SULT1E1: variants seen among roughly 807,000 people sequenced by gnomAD.
SULT1E1 encodes sulfotransferase family 1E member 1, also known as sulfotransferase 1E1.
Under a neutral mutation model 33.6 loss-of-function variants are expected in SULT1E1, and 36 were observed. The ratio of observed to expected loss-of-function variants is 1.07; its 90% CI spans 0.82 to 1.41. The LOEUF is 1.41. Among genes scored for constraint, SULT1E1 ranks in the 40% most tolerant of loss-of-function variants. The pLI, the probability that SULT1E1 is intolerant of heterozygous loss-of-function variation, is 0.00. For synonymous variants in SULT1E1, 121 were observed against 111.7 expected (o/e 1.08, Z -0.53); for missense variants, 371 against 345.7 (o/e 1.07, Z -0.58).
At chr4:69,855,564 G>C (rs1021236877) in intron 2 of SULT1E1, 138 bp from the exon 3 acceptor site, 3 of 683,956 alleles carry the variant, frequency 4.4e-6, no homozygotes, top group Non-Finnish European at 4.4e-6. Context: ...CACAGACTCA[G>C]GAAATATTTT....
chr4:69,832,650 A>G, the SULT1E1 span, among the ~76,000 whole-genome samples: 1 of 152,188 alleles, frequency 6.6e-6, no homozygotes, highest in Non-Finnish European at 1.5e-5. Flanking sequence ...TTCAAAGTTC[A>G]AAGGAGTTTC....
downstream of SULT1E1, chr4:69,838,551 C>T (rs1027941367): frequency 2.6e-5 from 4 of 152,206 alleles, no homozygotes; most frequent in African/African-American, 9.7e-5. Context: ...TGTACTTTTA[C>T]TGGACCCTGA....
intron 2 of SULT1E1, among the ~76,000 whole-genome samples, chr4:69,856,206 AGACG>A (rs1236545995): frequency 2.0e-5 from 3 of 152,212 alleles, no homozygotes; most frequent in Admixed American, 6.5e-5. Flanking sequence ...ATAGACTATA[AGACG>A]TAAATCAAAG....
At chr4:69,843,938 G>T (rs757529904) in intron 7 of SULT1E1, among the ~76,000 whole-genome samples, 1 of 152,152 alleles carries the variant, frequency 6.6e-6, no homozygotes, top group African/African-American at 2.4e-5. Flanking sequence ...AGATTGAGGA[G>T]TCTGCTAGTT....
Position 69,857,481 on chromosome 4 carries a change from G to A in SULT1E1, c.145+19C>T. On this transcript the variant is annotated intron_variant, in intron 2 of 7. Transcript: ENST00000226444. ...TGTTTGTTATTTTTAGGTGAAAAAAGAACAACAAAGAGATTTACCAGATTT... is the reference window on the plus strand; with the variant it reads ...TGTTTGTTATTTTTAGGTGAAAAAAAAACAACAAAGAGATTTACCAGATTT... 1 of 1,581,620 alleles carries A rather than the reference G, an allele frequency of 6.3e-7. No individual in the cohort carries two copies. The highest frequency in any genetic ancestry group is 8.5e-7 in the Non-Finnish European group (1 of 1,170,074).
intron 1 of SULT1E1, among the ~76,000 whole-genome samples, chr4:69,859,656 A>C (rs1721322511): frequency 6.6e-6 from 1 of 152,122 alleles, no homozygotes; most frequent in South Asian, 2.1e-4. Flanking sequence ...TCTTACATGA[A>C]AGTAATGCCC....
At chr4:69,844,085 C>T in intron 7 of SULT1E1, 76 bp downstream of exon 7, 13 of 1,371,390 alleles carry the variant, frequency 9.5e-6, no homozygotes, top group Non-Finnish European at 1.0e-6. Context: ...CATTAAAATA[C>T]CTCACTAGAT....
intron 7 of SULT1E1, 52 bp from the exon 8 acceptor site, chr4:69,842,158 T>C (rs376024512): frequency 6.7e-6 from 7 of 1,051,408 alleles, no homozygotes; most frequent in African/African-American, 4.8e-5. Flanking sequence ...AAAAGAATCA[T>C]TAGGTTTGCT....
chr4:69,853,269 G>C (rs972823890), intron 4 of SULT1E1, among the ~76,000 whole-genome samples: 1 of 152,030 alleles, frequency 6.6e-6, no homozygotes, highest in Non-Finnish European at 1.5e-5. Context: ...TCTGTATTTT[G>C]AGGTCATGTA....
chr4:69,833,784 C>G, the SULT1E1 span, among the ~76,000 whole-genome samples: 14 of 152,300 alleles, frequency 9.2e-5, no homozygotes, highest in East Asian at 1.5e-3. Context: ...CTTTTCCTCC[C>G]TTTCATGGCA....
At position 69,854,314 on chromosome 4, in the gene SULT1E1, C is replaced by A. The variant is rs1260261039; in HGVS notation, c.272G>T (p.Gly91Val). ...ATTCATCTCATCTAATTGTTTTACT[C>A]CTGATTTTTAAAAAAGTAAAGGTTA... ...LECRKENLMN[G>V]VKQLDEMNSP... The change falls in exon 4 of 8, where the codon GGA becomes GTA. Residue 91 changes from glycine (G) to valine (V), a missense_variant and splice_region_variant. Coordinates refer to ENST00000226444, the MANE Select transcript of SULT1E1 (RefSeq NM_005420.3). 2 of 1,595,780 alleles carry A rather than the reference C, an allele frequency of 1.3e-6. No individual in the cohort carries two copies. The highest frequency in any genetic ancestry group is 1.1e-5 in the South Asian group (1 of 88,022).
chr4:69,831,821 G>T, the SULT1E1 span, among the ~76,000 whole-genome samples: 1 of 152,080 alleles, frequency 6.6e-6, no homozygotes, highest in South Asian at 2.1e-4. Context: ...ATTGTCACTA[G>T]CCCAGGTCGG....
chr4:69,859,908 C>T (rs535043382), intron 1 of SULT1E1, 141 bp downstream of exon 1: 3 of 152,168 alleles, frequency 2.0e-5, no homozygotes, highest in South Asian at 4.1e-4. Flanking sequence ...AAATGCTTCA[C>T]ATCATTAATT....
chr4:69,842,162 G>T (rs963163901), intron 7 of SULT1E1, 56 bp from the exon 8 acceptor site: 6 of 1,031,114 alleles, frequency 5.8e-6, no homozygotes, highest in Non-Finnish European at 7.3e-6. Context: ...GAATCATTAG[G>T]TTTGCTAATT....
At position 69,857,452 on chromosome 4, in the gene SULT1E1, A is replaced by C. The variant is rs757518036; in HGVS notation, c.145+48T>G. The C allele has an allele frequency of 3.2e-6, 5 of 1,562,176 alleles. No individual in the cohort carries two copies. The East Asian group carries it at 1.1e-4, about 35-fold the overall frequency. Reference sequence around the variant, plus strand: ...GAACACCTTAATATTTACCATTTACAGTGTGTTTGTTATTTTTAGGTGAAA... The same window carrying C: ...GAACACCTTAATATTTACCATTTACCGTGTGTTTGTTATTTTTAGGTGAAA... On this transcript the variant is annotated intron_variant, in intron 2 of 7. Transcript: ENST00000226444.
chr4:69,828,476 C>T, the SULT1E1 span, among the ~76,000 whole-genome samples: 2 of 152,272 alleles, frequency 1.3e-5, no homozygotes, highest in East Asian at 3.9e-4. Context: ...CAGCTTCACT[C>T]CTGAAGTCAG....
intron 4 of SULT1E1, 30 bp from the exon 5 acceptor site, chr4:69,849,593 C>G (rs1192377325): frequency 1.3e-6 from 2 of 1,531,836 alleles, no homozygotes; most frequent in East Asian, 4.6e-5. Flanking sequence ...TATTAAACCA[C>G]TTAACATTTT....
Position 69,855,325 on chromosome 4 carries a change from A to G in SULT1E1, c.247T>C (p.Cys83Arg). ...CCATTCATGAGGTTTTCTTTTCTGC[A>G]TTCCAGGAAAGGTATTCGATTAAAA... ...VIFNRIPFLE[C>R]RKENLMNGVK... is the part of the protein sequence containing the mutation. Residue 83 changes from cysteine (C) to arginine (R), a missense_variant, in exon 3 of 8, where the codon TGC becomes CGC. Cys to Arg is a radical substitution (Grantham distance 180, BLOSUM62 -3). Transcript: ENST00000226444. 6.2e-7 allele frequency: 1 copy of G among 1,612,860 alleles called. No individual in the cohort carries two copies. The highest frequency in any genetic ancestry group is 8.5e-7 in the Non-Finnish European group (1 of 1,179,358).
intron 6 of SULT1E1, among the ~76,000 whole-genome samples, chr4:69,846,305 C>CAAAAAAAAAAAAAAA (rs34408656): frequency 2.3e-4 from 25 of 107,000 alleles, no homozygotes; most frequent in East Asian, 5.1e-4. Flanking sequence ...ACAAAACAAT[C>CAAAAAAAAAAAAAAA]AAAAAAAAAA....
Sources: allele counts gnomAD v4.1 joint callset (sites outside exome capture counted in the v4.1 genomes callset), GRCh38; gene constraint gnomAD v4.1.1; transcripts MANE v1.5; gene names NCBI Gene and HGNC (gene_info 2026-07-23, HGNC 2026-07-21).